The following SLC7A14 variants were observed in gnomAD, a reference collection of about 807,000 sequenced individuals.
SLC7A14 encodes the protein gamma-aminobutyric acid transporter SLC7A14.
In SLC7A14, 37 loss-of-function variants were observed where a neutral mutation model predicts 60.2. That is an observed-to-expected ratio of 0.61 (90% CI 0.47 to 0.81). The LOEUF (loss-of-function observed/expected upper bound fraction) is 0.81. Ranked by LOEUF, SLC7A14 falls within the 30% of genes least tolerant of loss-of-function variation. The probability of loss-of-function intolerance (pLI) is 0.00; values close to 1 mark genes in which losing one functional copy is unlikely to be tolerated. For synonymous variants in SLC7A14, 399 were observed against 395.8 expected (o/e 1.01, Z -0.10); for missense variants, 886 against 982.7 (o/e 0.90, Z 1.32).
chr3:170,475,319 T>C (rs1004921236), intron 7 of SLC7A14, among the ~76,000 whole-genome samples: 1 of 152,228 alleles, frequency 6.6e-6, no homozygotes, highest in African/African-American at 2.4e-5. Context: ...TTTATCAAGT[T>C]ATGACTCAGC....
At chr3:170,563,463 G>A (rs1355915615) in intron 1 of SLC7A14, among the ~76,000 whole-genome samples, 1 of 146,528 alleles carries the variant, frequency 6.8e-6, no homozygotes, top group African/African-American at 2.5e-5. Context: ...TGTCGCCCAG[G>A]CTGGAGTGCA....
intron 1 of SLC7A14, among the ~76,000 whole-genome samples, chr3:170,530,742 A>T (rs771220452): frequency 1.4e-4 from 22 of 152,224 alleles, no homozygotes; most frequent in Non-Finnish European, 2.5e-4. Context: ...GGGGAGGCCG[A>T]CAAGTAAGCA....
chr3:170,494,268 G>T (rs968365632), intron 4 of SLC7A14, among the ~76,000 whole-genome samples: 11 of 152,262 alleles, frequency 7.2e-5, no homozygotes, highest in Non-Finnish European at 8.8e-5. Flanking sequence ...AATTAAAAGT[G>T]TACATGAAAG....
In SLC7A14 at chr3:170,501,411, A is replaced by G. The variant is rs112255650; in HGVS notation, c.305-66T>C. On this transcript the variant is annotated intron_variant, in intron 2 of 7. Transcript: ENST00000231706. ...ATGAGCTGACATCCTGTGGCCAACA[A>G]TCTTGGGTGGAACATACTGAGACTT... The G allele has an allele frequency of 4.2e-5, 56 of 1,342,628 alleles. No homozygotes were observed. In the African/African-American group the frequency reaches 5.3e-4, roughly 13 times the overall value. The allele number at this position is 1,342,628 out of a possible 1,614,324, so 83.2% of individuals were successfully genotyped here. A position where few individuals can be genotyped will look rare whatever the true frequency, so the allele number is the denominator to read the frequency against.
At chr3:170,561,688 G>T (rs116570493) in intron 1 of SLC7A14, among the ~76,000 whole-genome samples, 3,389 of 152,148 alleles carry the variant, frequency 0.022, 112 homozygotes, top group African/African-American at 0.076. Context: ...GGACATGGCC[G>T]CCGAGTAAAC....
chr3:170,498,535 A>C, intron 4 of SLC7A14, 132 bp downstream of exon 4: 1 of 751,892 alleles, frequency 1.3e-6, no homozygotes, highest in South Asian at 1.9e-5. Flanking sequence ...AATTAAGATC[A>C]AAAGGTGATA....
intron 1 of SLC7A14, among the ~76,000 whole-genome samples, chr3:170,544,497 A>G (rs960437461): frequency 3.3e-5 from 5 of 152,204 alleles, no homozygotes; most frequent in South Asian, 4.1e-4. Context: ...GATGCTTACT[A>G]TGTACCTGCC....
chr3:170,580,995 G>T (rs6786691), intron 1 of SLC7A14, among the ~76,000 whole-genome samples: 1,896 of 152,244 alleles, frequency 0.012, 43 homozygotes, highest in African/African-American at 0.043. Flanking sequence ...ACAGATCAAA[G>T]TGCGGGAGTA....
At chr3:170,496,230 TAGG>T in intron 4 of SLC7A14, 2 of 922,148 alleles carry the variant, frequency 2.2e-6, no homozygotes, top group Non-Finnish European at 3.6e-6. Context: ...CAAGGCACAG[TAGG>T]AGGAGATCGC....
chr3:170,527,710 T>C (rs1467318160), intron 1 of SLC7A14, among the ~76,000 whole-genome samples: 1 of 152,092 alleles, frequency 6.6e-6, no homozygotes, highest in Non-Finnish European at 1.5e-5. Flanking sequence ...AACATTGGAA[T>C]GGTGGGGAGT....
intron 1 of SLC7A14, among the ~76,000 whole-genome samples, chr3:170,570,856 A>G (rs1714932547): frequency 6.6e-6 from 1 of 151,270 alleles, no homozygotes; most frequent in South Asian, 2.1e-4. Context: ...CACCCACCCC[A>G]ATAGCTTTAG....
chr3:170,484,794 G>C lies in SLC7A14; in HGVS notation c.907-1272C>G, dbSNP rs144610880. Among the ~76,000 whole-genome samples, 23 of 152,274 alleles carry C rather than the reference G, an allele frequency of 1.5e-4. No homozygotes were observed. In the East Asian group the frequency reaches 4.3e-3, roughly 28 times the overall value. ...TTTAAGGCCTGTGCAGTATGAAAGA[G>C]AATGTTTCCTAGTAACATAACCACT... is the stretch of plus-strand genomic sequence containing the variant. On this transcript the variant is annotated intron_variant, in intron 5 of 7. Coordinates refer to ENST00000231706, the MANE Select transcript of SLC7A14 (RefSeq NM_020949.3).
chr3:170,505,769 T>A (rs904119878), intron 2 of SLC7A14, among the ~76,000 whole-genome samples: 3 of 151,980 alleles, frequency 2.0e-5, no homozygotes, highest in African/African-American at 7.3e-5. Flanking sequence ...ACGCCTGTAG[T>A]CCCAGCTACT....
intron 1 of SLC7A14, among the ~76,000 whole-genome samples, chr3:170,560,601 C>T (rs546529812): frequency 4.6e-5 from 7 of 152,264 alleles, no homozygotes; most frequent in East Asian, 1.9e-4. Flanking sequence ...GGCACTAGCA[C>T]GGATGCACAG....
intron 1 of SLC7A14, among the ~76,000 whole-genome samples, chr3:170,554,376 T>C (rs78202957): frequency 0.021 from 3,232 of 152,150 alleles, 105 homozygotes; most frequent in African/African-American, 0.073. Flanking sequence ...TTGTAGGAGG[T>C]TTATTAATTC....
intron 1 of SLC7A14, among the ~76,000 whole-genome samples, chr3:170,539,586 A>G (rs1340763778): frequency 6.6e-6 from 1 of 152,060 alleles, no homozygotes; most frequent in Non-Finnish European, 1.5e-5. Context: ...TTATATTTTT[A>G]TGTCTGTCTC....
chr3:170,483,297 T>C lies in SLC7A14; in HGVS notation c.1115+17A>G, dbSNP rs747513680. On this transcript the variant is annotated intron_variant, in intron 6 of 7. Transcript: ENST00000231706. ...ACGTGGCAGAGCAGGATAAATTTCA[T>C]GGAGCATAGCCCTTACCTGAAAAGG... 6.2e-7 allele frequency: 1 copy of C among 1,613,744 alleles called. No individual in the cohort carries two copies. Among genetic ancestry groups the C allele is most frequent in the Admixed American group, 1.7e-5 (1 of 60,018 alleles).
At chr3:170,467,426 T>A in intron 7 of SLC7A14, 49 bp from the exon 8 acceptor site, 1 of 1,203,464 alleles carries the variant, frequency 8.3e-7, no homozygotes, top group East Asian at 5.2e-5. Flanking sequence ...TGCTTTGGGA[T>A]CCTGGGACTA....
At position 170,535,509 on chromosome 3, in the gene SLC7A14, C is replaced by T. The variant is rs1170803824; in HGVS notation, c.-152-8421G>A. On this transcript the variant is annotated intron_variant, in intron 1 of 7. Transcript: ENST00000231706. The surrounding 1 kb of genome is among the most constrained non-coding windows in gnomAD (Gnocchi z 4.3). ...TATCAGGAATTTAGGCACAAGGCAG[C>T]TTCAGGGAGTGCGAGTGTCCTTTGC... Among the ~76,000 whole-genome samples the T allele has an allele frequency of 1.3e-5, 2 of 152,178 alleles. No individual in the cohort carries two copies. Among genetic ancestry groups the T allele is most frequent in the South Asian group, 4.1e-4 (2 of 4,828 alleles).
Sources: gnomAD v4.1 joint callset for allele counts (sites outside exome capture counted in the v4.1 genomes callset) on GRCh38, gnomAD v4.1.1 for gene constraint, Gnocchi (gnomAD v3.1) non-coding constraint, MANE v1.5 for transcripts, NCBI Gene and HGNC (gene_info 2026-07-23, HGNC 2026-07-21) for gene names.